Variants in CABCOCO1 observed in about 807,000 individuals in gnomAD.
CABCOCO1 encodes ciliary-associated calcium-binding coiled-coil protein 1.
A neutral mutation model predicts 35.7 loss-of-function variants in CABCOCO1; 28 were observed. The ratio of observed to expected loss-of-function variants is 0.78; its 90% CI spans 0.58 to 1.07. The LOEUF (loss-of-function observed/expected upper bound fraction) is 1.07. CABCOCO1 is among the 50% of genes least tolerant of loss of function. The pLI, the probability that CABCOCO1 is intolerant of heterozygous loss-of-function variation, is 0.00. For synonymous variants in CABCOCO1, 95 were observed against 100.1 expected (o/e 0.95, Z 0.30); for missense variants, 326 against 309.2 (o/e 1.05, Z -0.41).
chr10:61,766,086 G>A lies in CABCOCO1; in HGVS notation c.*73G>A. ...AACCAGCCAGAATAACAGACTCTCT[G>A]GAGCGTCGTGTCTCCATCACTTAGT... is the stretch of plus-strand genomic sequence containing the variant. On this transcript the variant is annotated 3_prime_UTR_variant, in exon 8 of 8. Transcript: ENST00000648843. 7.5e-7 allele frequency: 1 copy of A among 1,329,572 alleles called. No individual in the cohort carries two copies. The highest frequency in any genetic ancestry group is 1.1e-6 in the Non-Finnish European group (1 of 944,722). The allele number at this position is 1,329,572 out of a possible 1,614,324, so 82.4% of individuals were successfully genotyped here. A position where few individuals can be genotyped will look rare whatever the true frequency, so the allele number is the denominator to read the frequency against.
At chr10:61,737,421 G>A (rs952994969) in intron 5 of CABCOCO1, among the ~76,000 whole-genome samples, 4 of 152,050 alleles carry the variant, frequency 2.6e-5, no homozygotes, top group African/African-American at 9.7e-5. Context: ...AAGCAGAACT[G>A]GTAACCATTT....
At chr10:61,714,200 T>C (rs1366307740) in intron 5 of CABCOCO1, among the ~76,000 whole-genome samples, 2 of 152,176 alleles carry the variant, frequency 1.3e-5, no homozygotes, top group Admixed American at 6.5e-5. Flanking sequence ...CTATTATTGG[T>C]CTATTCGGAG....
At chr10:61,691,900 G>A (rs900708944) in intron 5 of CABCOCO1, among the ~76,000 whole-genome samples, 1 of 152,030 alleles carries the variant, frequency 6.6e-6, no homozygotes, top group African/African-American at 2.4e-5. Flanking sequence ...TCATTGATGG[G>A]CATTTGGGTT....
chr10:61,741,633 G>A (rs780141414), intron 5 of CABCOCO1, among the ~76,000 whole-genome samples: 4 of 151,978 alleles, frequency 2.6e-5, no homozygotes, highest in Non-Finnish European at 2.9e-5. Context: ...AAACATATCC[G>A]TTAACCAAGC....
intron 5 of CABCOCO1, among the ~76,000 whole-genome samples, chr10:61,753,636 TAAAG>T (rs1257985100): frequency 1.3e-5 from 2 of 152,054 alleles, no homozygotes; most frequent in African/African-American, 2.4e-5. Flanking sequence ...AAACAAAAGA[TAAAG>T]AGAGTGATAA....
At chr10:61,761,523 T>C (rs547023044) in intron 7 of CABCOCO1, among the ~76,000 whole-genome samples, 9 of 152,216 alleles carry the variant, frequency 5.9e-5, no homozygotes, top group Admixed American at 4.6e-4. Flanking sequence ...CTGCCAATGA[T>C]TTATTAACTG....
intron 5 of CABCOCO1, among the ~76,000 whole-genome samples, chr10:61,691,843 A>G (rs1237697762): frequency 1.3e-5 from 2 of 152,128 alleles, no homozygotes; most frequent in Non-Finnish European, 2.9e-5. Context: ...TTATGGCTGC[A>G]TAGTATTCCA....
intron 5 of CABCOCO1, among the ~76,000 whole-genome samples, chr10:61,758,003 G>A (rs898493616): frequency 5.3e-5 from 8 of 152,008 alleles, no homozygotes; most frequent in African/African-American, 1.7e-4. Context: ...GCCAAGCTTA[G>A]CAACAAGACA....
intron 5 of CABCOCO1, among the ~76,000 whole-genome samples, chr10:61,744,154 G>A (rs1257635134): frequency 2.0e-5 from 3 of 152,124 alleles, no homozygotes; most frequent in Non-Finnish European, 4.4e-5. Context: ...GAAAAAATAT[G>A]AAAGCTTTAA....
intron 5 of CABCOCO1, among the ~76,000 whole-genome samples, chr10:61,705,650 A>G (rs1379559438): frequency 1.3e-5 from 2 of 152,210 alleles, no homozygotes. Context: ...TCTTATAATC[A>G]GTGGATCAAG....
intron 2 of CABCOCO1, among the ~76,000 whole-genome samples, chr10:61,680,654 ATGT>A (rs1564532638): frequency 9.3e-5 from 8 of 86,442 alleles, no homozygotes; most frequent in East Asian, 2.9e-4. Flanking sequence ...AATATATATT[ATGT>A]TATACATGTA....
At chr10:61,736,969 C>G (rs557026400) in intron 5 of CABCOCO1, among the ~76,000 whole-genome samples, 1 of 152,170 alleles carries the variant, frequency 6.6e-6, no homozygotes, top group African/African-American at 2.4e-5. Context: ...TGTAGGAATA[C>G]TAGTGATTTT....
chr10:61,731,042 A>G (rs1313475471), intron 5 of CABCOCO1, among the ~76,000 whole-genome samples: 1 of 150,906 alleles, frequency 6.6e-6, no homozygotes, highest in Non-Finnish European at 1.5e-5. Context: ...TCTTGGGATA[A>G]TTGGCAAATT....
chr10:61,680,744 A>C (rs1384109395), intron 2 of CABCOCO1, among the ~76,000 whole-genome samples: 1 of 109,056 alleles, frequency 9.2e-6, no homozygotes, highest in Non-Finnish European at 1.8e-5. Context: ...TAATATATAT[A>C]TCTCAGAATA....
chr10:61,668,209 T>C (rs1185410716), intron 1 of CABCOCO1, among the ~76,000 whole-genome samples: 1 of 151,952 alleles, frequency 6.6e-6, no homozygotes, highest in East Asian at 1.9e-4. Flanking sequence ...GTCATAGGTA[T>C]AGCTTGTAAT....
intron 1 of CABCOCO1, among the ~76,000 whole-genome samples, chr10:61,665,854 T>A (rs1032630987): frequency 6.8e-6 from 1 of 146,648 alleles, no homozygotes; most frequent in Non-Finnish European, 1.5e-5. Context: ...GCCACTGCAC[T>A]CCAGCCTGGG....
At chr10:61,685,955 T>G (rs1839944994) in intron 3 of CABCOCO1, 86 bp from the exon 4 acceptor site, 1 of 1,163,200 alleles carries the variant, frequency 8.6e-7, no homozygotes, top group Non-Finnish European at 1.2e-6. Flanking sequence ...AAAGTAAATT[T>G]TGGCACATTG....
chr10:61,741,005 A>T (rs1451048655), intron 5 of CABCOCO1, among the ~76,000 whole-genome samples: 2 of 151,712 alleles, frequency 1.3e-5, no homozygotes, highest in Non-Finnish European at 2.9e-5. Context: ...AAATTAGCTG[A>T]GTGTGGTGTG....
intron 1 of CABCOCO1, among the ~76,000 whole-genome samples, chr10:61,666,999 T>C (rs1839200413): frequency 7.0e-6 from 1 of 142,156 alleles, no homozygotes; most frequent in African/African-American, 2.6e-5. Context: ...ATATATTATA[T>C]ATAAATTTCA....
Sources: gnomAD v4.1 joint callset for allele counts (sites outside exome capture counted in the v4.1 genomes callset) on GRCh38, gnomAD v4.1.1 for gene constraint, MANE v1.5 for transcripts, NCBI Gene and HGNC (gene_info 2026-07-23, HGNC 2026-07-21) for gene names.